The following PRC1 variants were observed in gnomAD, a reference collection of about 807,000 sequenced individuals.
The protein encoded by PRC1 is protein regulator of cytokinesis 1.
In PRC1, 54 loss-of-function variants were observed where a neutral mutation model predicts 91.2. The observed-to-expected ratio is 0.59, with a 90% CI of 0.48 to 0.74. The LOEUF (loss-of-function observed/expected upper bound fraction) is 0.74, where lower values mean the gene tolerates loss of function less well. Ranked by LOEUF, PRC1 falls within the 30% of genes least tolerant of loss-of-function variation. PRC1 has a pLI of 0.00. For missense variants in PRC1, 727 were observed against 746.2 expected (o/e 0.97, Z 0.30); for synonymous variants, 275 against 263.6 (o/e 1.04, Z -0.42).
At chr15:90,972,714 G>A (rs2038267167) in intron 11 of PRC1, 2 of 152,492 alleles carry the variant, frequency 1.3e-5, no homozygotes, top group Admixed American at 1.3e-4. Context: ...CTCCAGCCTA[G>A]GCAACAAGAG....
intron 1 of PRC1, among the ~76,000 whole-genome samples, chr15:90,991,855 C>T (rs774374882): frequency 6.6e-6 from 1 of 152,080 alleles, no homozygotes; most frequent in Non-Finnish European, 1.5e-5. Flanking sequence ...ACACAGGAGC[C>T]CCAAGTCCTA....
chr15:90,993,265 A>C (rs1357508297), intron 1 of PRC1, among the ~76,000 whole-genome samples: 1 of 141,410 alleles, frequency 7.1e-6, no homozygotes, highest in African/African-American at 2.7e-5. Flanking sequence ...GCTGGAGTGC[A>C]GTGTCGAGAT....
chr15:90,981,407 C>G (rs2039183357), intron 5 of PRC1, 92 bp downstream of exon 5: 4 of 1,389,288 alleles, frequency 2.9e-6, no homozygotes, highest in Non-Finnish European at 4.0e-6. Flanking sequence ...CTTACATTGT[C>G]TCCTTATTTA....
At chr15:90,975,546 GA>G (rs1304360778) in intron 9 of PRC1, among the ~76,000 whole-genome samples, 9 of 142,706 alleles carry the variant, frequency 6.3e-5, no homozygotes. Context: ...TATCAAAGTG[GA>G]AAATGGTAAT....
At chr15:90,989,218 G>C (rs2039798879) in intron 1 of PRC1, among the ~76,000 whole-genome samples, 3 of 152,230 alleles carry the variant, frequency 2.0e-5, no homozygotes, top group African/African-American at 7.2e-5. Context: ...AGACGGTACA[G>C]CCTCTTTGGA....
At chr15:90,973,631 A>G (rs184589445) in intron 11 of PRC1, among the ~76,000 whole-genome samples, 214 of 152,216 alleles carry the variant, frequency 1.4e-3, no homozygotes, top group Non-Finnish European at 2.7e-3. Flanking sequence ...TGTTCGTTCT[A>G]TTCTTAGATA....
intron 11 of PRC1, among the ~76,000 whole-genome samples, chr15:90,971,130 G>A (rs1188370902): frequency 6.6e-6 from 1 of 152,240 alleles, no homozygotes; most frequent in Admixed American, 6.5e-5. Flanking sequence ...GCCACAGCTA[G>A]AGGCTGGGGG....
intron 13 of PRC1, 68 bp downstream of exon 13, chr15:90,969,379 G>T: frequency 6.6e-7 from 1 of 1,517,038 alleles, no homozygotes; most frequent in Non-Finnish European, 8.9e-7. Context: ...GTGCCCCTGG[G>T]AAGATACCCA....
At chr15:90,980,795 T>C in intron 6 of PRC1, 89 bp downstream of exon 6, 1 of 1,562,714 alleles carries the variant, frequency 6.4e-7, no homozygotes, top group South Asian at 1.2e-5. Context: ...CATGAACCAC[T>C]GAGCCTGGCC....
At chr15:90,973,413 G>A (rs2038350449) in intron 11 of PRC1, among the ~76,000 whole-genome samples, 1 of 152,230 alleles carries the variant, frequency 6.6e-6, no homozygotes, top group Non-Finnish European at 1.5e-5. Flanking sequence ...AGGGACCTCT[G>A]CCCAAGAAAG....
chr15:90,994,315 C>A, intron 1 of PRC1, 92 bp downstream of exon 1: 1 of 1,588,690 alleles, frequency 6.3e-7, no homozygotes, highest in Non-Finnish European at 8.6e-7. Context: ...AGGCCCGGGA[C>A]CCCGCACGGG....
chr15:90,982,175 G>T, intron 3 of PRC1, 194 bp from the exon 4 acceptor site: 1 of 600,052 alleles, frequency 1.7e-6, no homozygotes, highest in Non-Finnish European at 2.9e-6. Flanking sequence ...GTAAGTACCA[G>T]GGTACTTTTC....
At chr15:90,980,820 C>A in intron 6 of PRC1, 64 bp downstream of exon 6, 1 of 1,604,950 alleles carries the variant, frequency 6.2e-7, no homozygotes, top group Non-Finnish European at 8.5e-7. Flanking sequence ...CAACAACAGT[C>A]TTTATGACTA....
chr15:90,991,474 G>A (rs1325055308), intron 1 of PRC1, among the ~76,000 whole-genome samples: 1 of 151,704 alleles, frequency 6.6e-6, no homozygotes, highest in African/African-American at 2.4e-5. Flanking sequence ...ATTTTATTTG[G>A]CCTGTTGGAA....
intron 1 of PRC1, 144 bp downstream of exon 1, chr15:90,994,263 A>C: frequency 7.6e-7 from 1 of 1,311,764 alleles, no homozygotes; most frequent in Non-Finnish European, 1.0e-6. Context: ...CCTGCCCCTC[A>C]GCGCCCCCGG....
Position 90,966,342 on chromosome 15 carries a change from G to A in PRC1, c.*789C>T, listed in dbSNP as rs886783403. 2.4e-5 allele frequency: 7 copies of A among 289,896 alleles called. No homozygotes were observed. The highest frequency in any genetic ancestry group is 8.9e-5 in the African/African-American group (4 of 44,980). 18.0% of individuals were successfully genotyped at this position (289,896 alleles called of 1,614,324 possible). ...CATGTGCAAAGTTCCAGATCTCCAC[G>A]ACAAAGACAGCTCAACCCATTGGAA... On this transcript the variant is annotated 3_prime_UTR_variant, in exon 15 of 15. Transcript: ENST00000394249.
Position 90,974,608 on chromosome 15 carries a change from T to C in PRC1, c.1327A>G (p.Lys443Glu). Reference protein sequence around the residue: ...AEQWEMHRLEKERAKQERQLK... With the variant: ...AEQWEMHRLEEERAKQERQLK... ...ACTCTTTCCTGCTTGGCTCTCTCTT[T>C]CTCCAATCGATGCATCTCCCATTGT... The change falls in exon 10 of 15, where the codon AAA (lysine) becomes GAA (glutamate). Residue 443 changes from lysine to glutamate, a missense_variant. Coordinates refer to ENST00000394249, the MANE Select transcript of PRC1 (RefSeq NM_003981.4). This position sits in a 1 kb window ranked among gnomAD's most constrained non-coding sequence, Gnocchi z 4.6. The C allele has an allele frequency of 6.2e-7, 1 of 1,614,202 alleles. No individual in the cohort carries two copies. Among genetic ancestry groups the C allele is most frequent in the Non-Finnish European group, 8.5e-7 (1 of 1,180,048 alleles).
chr15:90,981,323 GT>G, intron 5 of PRC1, 175 bp downstream of exon 5: 1 of 762,994 alleles, frequency 1.3e-6, no homozygotes, highest in African/African-American at 1.7e-5. Flanking sequence ...CCATATAAAG[GT>G]TTTTTAACTG....
At chr15:90,980,573 C>T in intron 6 of PRC1, 184 bp from the exon 7 acceptor site, 1 of 724,412 alleles carries the variant, frequency 1.4e-6, no homozygotes, top group Non-Finnish European at 2.1e-6. Flanking sequence ...GACAGGAGTG[C>T]AGTGGCGCGA....
Sources: allele counts gnomAD v4.1 joint callset (sites outside exome capture counted in the v4.1 genomes callset), GRCh38; gene constraint gnomAD v4.1.1; non-coding constraint Gnocchi (gnomAD v3.1); transcripts MANE v1.5; gene names NCBI Gene and HGNC (gene_info 2026-07-23, HGNC 2026-07-21).